SCAF1: variants seen among roughly 807,000 people sequenced by gnomAD.
The protein encoded by SCAF1 is SR-related CTD associated factor 1.
SCAF1 carries 28 observed loss-of-function variants against 91.2 expected under a neutral mutation model. The ratio of observed to expected loss-of-function variants is 0.31; its 90% confidence interval spans 0.23 to 0.42. The LOEUF is 0.42. SCAF1 is among the 10% of genes least tolerant of loss of function. The probability of loss-of-function intolerance (pLI) is 1.00; values close to 1 mark genes in which losing one functional copy is unlikely to be tolerated. For synonymous variants in SCAF1, 1,036 were observed against 833.7 expected (o/e 1.24, Z -4.18); for missense variants, 1,893 against 1,872.1 (o/e 1.01, Z -0.21).
At chr19:49,649,341 T>C (rs1437132865) in intron 6 of SCAF1, among the ~76,000 whole-genome samples, 2 of 152,210 alleles carry the variant, frequency 1.3e-5, no homozygotes. Flanking sequence ...AGGCTCAGAC[T>C]GTCCTCACCC....
At chr19:49,647,993 C>T (rs960068424) in intron 6 of SCAF1, among the ~76,000 whole-genome samples, 2 of 152,162 alleles carry the variant, frequency 1.3e-5, no homozygotes, top group Non-Finnish European at 2.9e-5. Flanking sequence ...AGTGCAGTGG[C>T]ACAGTCACAG....
At chr19:49,657,652 C>A in intron 9 of SCAF1, 109 bp from the exon 10 acceptor site, 1 of 1,358,846 alleles carries the variant, frequency 7.4e-7, no homozygotes, top group Non-Finnish European at 1.0e-6. Context: ...CTGAGAGCAG[C>A]TGGACGGCCA....
At chr19:49,644,482 A>G (rs1427720103) in intron 1 of SCAF1, among the ~76,000 whole-genome samples, 1 of 152,162 alleles carries the variant, frequency 6.6e-6, no homozygotes, top group Non-Finnish European at 1.5e-5. Context: ...GTGTATAAAT[A>G]CAATTTGGGG....
chr19:49,652,983 A>G lies in SCAF1; in HGVS notation c.2594A>G (p.Lys865Arg). Reference protein sequence around the residue: ...ASAGLGSIGVKFSRDRESRSP... With the variant: ...ASAGLGSIGVRFSRDRESRSP... ...GCCGGCCTGGGCTCCATTGGCGTCA[A>G]ATTCAGCCGTGACCGCGAGAGTCGC... The change falls in exon 7 of 11, where the codon AAA becomes AGA. Residue 865 changes from lysine to arginine, a missense_variant. This residue lies in a region of SCAF1 where 1,436 missense variants were observed against 1,306.8 expected (regional missense o/e 1.10). Transcript: ENST00000360565. 2 of 1,613,946 alleles carry G rather than the reference A, an allele frequency of 1.2e-6. No individual in the cohort carries two copies. The highest frequency in any genetic ancestry group is 8.5e-7 in the Non-Finnish European group (1 of 1,180,014).
At chr19:49,653,851 G>C in intron 7 of SCAF1, 146 bp downstream of exon 7, 1 of 767,228 alleles carries the variant, frequency 1.3e-6, no homozygotes, top group Non-Finnish European at 1.9e-6. Flanking sequence ...GTAAAGGCCA[G>C]CCAGGCTCTA....
chr19:49,651,595 G>T lies in SCAF1; in HGVS notation c.1206G>T (p.Glu402Asp). The T allele has an allele frequency of 1.3e-6, 2 of 1,534,680 alleles. No individual in the cohort carries two copies. The highest frequency in any genetic ancestry group is 2.5e-5 in the East Asian group (1 of 40,714). Residue 402 changes from glutamate to aspartate, a missense_variant, in exon 7 of 11, where the codon GAG becomes GAT. Glu to Asp is a conservative substitution (Grantham distance 45). This residue lies in a region of SCAF1 where 1,436 missense variants were observed against 1,306.8 expected (regional missense o/e 1.10). Transcript: ENST00000360565. The stretch of plus-strand genomic sequence containing the variant: ...GGGAGATCGTCCAGCCGGAGGAGGA[G>T]CCCAGGCTGGCGCTGTCCCTCTTCC... ...EEGEIVQPEE[E>D]PRLALSLFRP...
chr19:49,651,786 C>T lies in SCAF1; in HGVS notation c.1397C>T (p.Pro466Leu). 7.8e-7 allele frequency: 1 copy of T among 1,277,888 alleles called. No homozygotes were observed. Among genetic ancestry groups the T allele is most frequent in the Non-Finnish European group, 9.9e-7 (1 of 1,013,426 alleles). The allele number at this position is 1,277,888 out of a possible 1,614,324, so 79.2% of individuals were successfully genotyped here. ...EGALQVDLGE[P>L]APAPPAADSR... Reference sequence around the variant, plus strand: ...GCCCTGCAGGTGGACCTAGGGGAGCCGGCTCCCGCGCCGCCCGCCGCCGAC... The same window carrying T: ...GCCCTGCAGGTGGACCTAGGGGAGCTGGCTCCCGCGCCGCCCGCCGCCGAC... Residue 466 changes from proline (P) to leucine (L), a missense_variant, in exon 7 of 11, where the codon CCG becomes CTG. Coordinates refer to ENST00000360565, the MANE Select transcript of SCAF1 (RefSeq NM_021228.3).
Position 49,652,423 on chromosome 19 carries a change from C to T in SCAF1, c.2034C>T (p.Arg678=), listed in dbSNP as rs2081103310. 2.5e-6 allele frequency: 4 copies of T among 1,597,082 alleles called. No homozygotes were observed. The highest frequency in any genetic ancestry group is 1.7e-4 in the Middle Eastern group (1 of 6,048). ...CTGGCTCCACCTCGTGTGGTGACCG[C>T]GACAGCCGCCGCCGGGGGGCCGTGC... ...PPSGSTSCGD[R]DSRRRGAVPP... Residue 678 remains arginine, a synonymous_variant, in exon 7 of 11, where the codon CGC becomes CGT. Coordinates refer to ENST00000360565, the MANE Select transcript of SCAF1 (RefSeq NM_021228.3).
chr19:49,654,289 A>T, intron 7 of SCAF1, 60 bp from the exon 8 acceptor site: 1 of 1,467,068 alleles, frequency 6.8e-7, no homozygotes, highest in Non-Finnish European at 9.5e-7. Flanking sequence ...GGTGAGGTTC[A>T]CCAGCTCCTG....
At chr19:49,642,005 T>G (rs1409496345), upstream of SCAF1, 1 of 152,274 alleles carries the variant, frequency 6.6e-6, no homozygotes, top group African/African-American at 2.4e-5. This position sits in a 1 kb window ranked among gnomAD's most constrained non-coding sequence, Gnocchi z 4.0. Flanking sequence ...ACAGAGGCGG[T>G]GCGCGGACTA....
In SCAF1 at chr19:49,646,604, C is replaced by A; in HGVS notation, c.340C>A (p.Arg114Ser). 2 of 1,614,112 alleles carry A rather than the reference C, an allele frequency of 1.2e-6. No individual in the cohort carries two copies. The highest frequency in any genetic ancestry group is 1.6e-4 in the Middle Eastern group (1 of 6,062). ...LDPPDTWVPS[R>S]LDLRPGESED... ...TCCCCCGGATACCTGGGTTCCCAGC[C>A]GCCTGGACCTGCGGCCTGGCGAGTG... Residue 114 changes from arginine to serine, a missense_variant, in exon 5 of 11, where the codon CGC becomes AGC. Coordinates refer to ENST00000360565, the MANE Select transcript of SCAF1 (RefSeq NM_021228.3). This position sits in a 1 kb window ranked among gnomAD's most constrained non-coding sequence, Gnocchi z 5.6.
At position 49,651,515 on chromosome 19, in the gene SCAF1, G is replaced by A. The variant is rs1160584938; in HGVS notation, c.1126G>A (p.Gly376Arg). ...KVSVEVVTAGGAALPPPLLPP... is the reference protein window; with the variant it reads ...KVSVEVVTAGRAALPPPLLPP... The stretch of plus-strand genomic sequence containing the variant: ...CTCGGTGGAGGTGGTGACCGCTGGT[G>A]GAGCCGCCCTCCCGCCGCCCCTGCT... The change falls in exon 7 of 11, where the codon GGA (glycine) becomes AGA (arginine). Residue 376 changes from glycine (G) to arginine (R), a missense_variant. Transcript: ENST00000360565. The A allele has an allele frequency of 2.5e-6, 4 of 1,572,384 alleles. No individual in the cohort carries two copies. Among genetic ancestry groups the A allele is most frequent in the Non-Finnish European group, 8.6e-7 (1 of 1,161,494 alleles).
In SCAF1 at chr19:49,651,769, G is replaced by A. The variant is rs2081092634; in HGVS notation, c.1380G>A (p.Gln460=). The A allele has an allele frequency of 6.0e-6, 8 of 1,323,834 alleles. No homozygotes were observed. The Admixed American group carries it at 3.3e-4, about 55-fold the overall frequency. The allele number at this position is 1,323,834 out of a possible 1,614,324, so 82.0% of individuals were successfully genotyped here. A position where few individuals can be genotyped will look rare whatever the true frequency, so the allele number is the denominator to read the frequency against. The change falls in exon 7 of 11, where the codon CAG becomes CAA. Residue 460 remains glutamine (Q), a synonymous_variant. Coordinates refer to ENST00000360565, the MANE Select transcript of SCAF1 (RefSeq NM_021228.3). ...HAESDGEGAL[Q]VDLGEPAPAP... ...AGTCGGACGGCGAGGGCGCCCTGCA[G>A]GTGGACCTAGGGGAGCCGGCTCCCG...
chr19:49,646,197 G>A lies in SCAF1; in HGVS notation c.256G>A (p.Ala86Thr), dbSNP rs761836292. The A allele has an allele frequency of 2.5e-6, 4 of 1,606,530 alleles. No homozygotes were observed. The highest frequency in any genetic ancestry group is 3.4e-6 in the Non-Finnish European group (4 of 1,179,050). The change falls in exon 4 of 11, where the codon GCT becomes ACT. Residue 86 changes from alanine (A) to threonine (T), a missense_variant. Physicochemically the swap from Ala to Thr is moderately conservative, Grantham distance 58. Transcript: ENST00000360565. This position sits in a 1 kb window ranked among gnomAD's most constrained non-coding sequence, Gnocchi z 5.6. ...RSQESGGTDTATVLDMATDSF... is the reference protein window; with the variant it reads ...RSQESGGTDTTTVLDMATDSF... ...CCAGGAATCAGGGGGCACTGACACG[G>A]CTACTGTGAGTAAGAAGAGGGGGCT...
chr19:49,656,253 G>A (rs755646293), intron 9 of SCAF1, among the ~76,000 whole-genome samples: 7 of 152,166 alleles, frequency 4.6e-5, no homozygotes, highest in Non-Finnish European at 8.8e-5. Context: ...TGGGTGTTGG[G>A]GAGCAGCGTC....
rs1437975060 is a variant in SCAF1 at position 49,653,236 on chromosome 19, C to T, written c.2847C>T (p.Ser949=). 5 of 1,500,634 alleles carry T rather than the reference C, an allele frequency of 3.3e-6. No individual in the cohort carries two copies. The highest frequency in any genetic ancestry group is 1.4e-5 in the African/African-American group (1 of 71,820). The allele number at this position is 1,500,634 out of a possible 1,614,324, so 93.0% of individuals were successfully genotyped here. ...CGCTGAAGAAGTCCAAGGCGGATAG[C>T]TGCAGCCAGGCGGCAGGCACCAAGG... ...QVSLKKSKAD[S]CSQAAGTKGA... The change falls in exon 7 of 11, where the codon AGC becomes AGT. Residue 949 remains serine, a synonymous_variant. Coordinates refer to ENST00000360565, the MANE Select transcript of SCAF1 (RefSeq NM_021228.3).
At position 49,645,444 on chromosome 19, in the gene SCAF1, C is replaced by T. The variant is rs1339085218; in HGVS notation, c.166+33C>T. Reference sequence around the variant, plus strand: ...GGCTTCCGGTTCCTTTTAGCCCCTGCCCCCTCTCTGCATTCTTTATCCTAA... The same window carrying T: ...GGCTTCCGGTTCCTTTTAGCCCCTGTCCCCTCTCTGCATTCTTTATCCTAA... On this transcript the variant is annotated intron_variant, in intron 3 of 10. Transcript: ENST00000360565. The surrounding 1 kb of genome is among the most constrained non-coding windows in gnomAD (Gnocchi z 4.6). The T allele has an allele frequency of 1.3e-6, 2 of 1,593,566 alleles. No individual in the cohort carries two copies. Among genetic ancestry groups the T allele is most frequent in the Admixed American group, 3.6e-5 (2 of 56,142 alleles).
In SCAF1 at chr19:49,645,102, G is replaced by A; in HGVS notation, c.76G>A (p.Asp26Asn). 2 of 1,614,166 alleles carry A rather than the reference G, an allele frequency of 1.2e-6. No homozygotes were observed. Among genetic ancestry groups the A allele is most frequent in the Non-Finnish European group, 1.7e-6 (2 of 1,180,022 alleles). Residue 26 changes from aspartate to asparagine, a missense_variant, in exon 2 of 11, where the codon GAC (aspartate) becomes AAC (asparagine). This residue lies in a region of SCAF1 where 270 missense variants were observed against 292.5 expected (regional missense o/e 0.92). Coordinates refer to ENST00000360565, the MANE Select transcript of SCAF1 (RefSeq NM_021228.3). This position sits in a 1 kb window ranked among gnomAD's most constrained non-coding sequence, Gnocchi z 4.6. ...TCGGGGCGATGGTCCGCCAGACAGA[G>A]ACCCCACGCTTTCTCCTTCTGCCTT... is the stretch of plus-strand genomic sequence containing the variant. ...EDRGDGPPDR[D>N]PTLSPSAFIL...
chr19:49,643,831 A>T (rs755782424), intron 1 of SCAF1, among the ~76,000 whole-genome samples: 3 of 152,188 alleles, frequency 2.0e-5, no homozygotes, highest in Non-Finnish European at 2.9e-5. Flanking sequence ...GGTGTGTCTT[A>T]GGAAGTTAGG....
Sources: allele counts gnomAD v4.1 joint callset (sites outside exome capture counted in the v4.1 genomes callset), GRCh38; gene constraint gnomAD v4.1.1; regional missense constraint gnomAD v4.1.1; non-coding constraint Gnocchi (gnomAD v3.1); transcripts MANE v1.5; gene names NCBI Gene and HGNC (gene_info 2026-07-23, HGNC 2026-07-21).